Variants in P3H2 observed in about 807,000 individuals in gnomAD.
The protein encoded by P3H2 is leprecan-like 1.
Under a neutral mutation model 87.0 loss-of-function variants are expected in P3H2, and 80 were observed. The ratio of observed to expected loss-of-function variants is 0.92; its 90% confidence interval spans 0.77 to 1.11. The LOEUF is 1.11. P3H2 is among the 50% of genes least tolerant of loss of function. P3H2 has a pLI of 0.00. For synonymous variants in P3H2, 367 were observed against 359.3 expected (o/e 1.02, Z -0.24); for missense variants, 1,001 against 923.9 (o/e 1.08, Z -1.08).
intron 1 of P3H2, among the ~76,000 whole-genome samples, chr3:190,109,874 G>A: frequency 7.1e-6 from 1 of 141,698 alleles, no homozygotes; most frequent in African/African-American, 2.7e-5. Context: ...TTTGACACAG[G>A]GTCTCGCTCT....
chr3:190,096,228 C>A (rs924105658), intron 1 of P3H2, among the ~76,000 whole-genome samples: 1 of 152,126 alleles, frequency 6.6e-6, no homozygotes, highest in East Asian at 1.9e-4. Context: ...TTCAGTGATA[C>A]GGTTTGGATT....
chr3:189,973,880 C>T, intron 10 of P3H2, 29 bp downstream of exon 10: 1 of 1,563,190 alleles, frequency 6.4e-7, no homozygotes, highest in African/African-American at 1.4e-5. Context: ...CACTAAGGAA[C>T]TCAAACCCAA....
At chr3:190,095,663 T>C (rs1482831812) in intron 1 of P3H2, among the ~76,000 whole-genome samples, 42 of 150,236 alleles carry the variant, frequency 2.8e-4, no homozygotes, top group South Asian at 4.2e-4. Flanking sequence ...TGCAGTGGCG[T>C]GATCTCGGCT....
intron 1 of P3H2, among the ~76,000 whole-genome samples, chr3:190,106,975 A>T (rs1711862468): frequency 6.6e-6 from 1 of 152,212 alleles, no homozygotes; most frequent in African/African-American, 2.4e-5. Flanking sequence ...TAATAACTAT[A>T]GTCATAGAAC....
At position 190,120,710 on chromosome 3, in the gene P3H2, G is replaced by GCGC. The variant is rs1291276522; in HGVS notation, c.19_21dup (p.Ala7dup). On this transcript the variant is annotated inframe_insertion, in exon 1 of 15. Transcript: ENST00000319332. ...AGCGGCAGCAGCAGCAGCAGCGGCG[G>GCGC]CGCCCAGATGCGCTCCCGCATCCTC... 1 of 1,519,766 alleles carries GCGC rather than the reference G, an allele frequency of 6.6e-7. No homozygotes were observed. Among genetic ancestry groups the GCGC allele is most frequent in the Non-Finnish European group, 8.8e-7 (1 of 1,140,980 alleles). The allele number at this position is 1,519,766 out of a possible 1,614,324, so 94.1% of individuals were successfully genotyped here.
intron 1 of P3H2, among the ~76,000 whole-genome samples, chr3:190,033,278 G>A (rs922036736): frequency 1.3e-5 from 2 of 151,072 alleles, no homozygotes; most frequent in Admixed American, 6.6e-5. Context: ...GTACGGGTCC[G>A]TGACCTGGGG....
intron 1 of P3H2, among the ~76,000 whole-genome samples, chr3:190,012,556 A>AAAGG (rs1724628042): frequency 6.6e-6 from 1 of 151,990 alleles, no homozygotes; most frequent in East Asian, 1.9e-4. Context: ...TCTCAGTTCC[A>AAAGG]CTCAGTCTCC....
At chr3:190,018,599 C>T (rs761477892) in intron 1 of P3H2, among the ~76,000 whole-genome samples, 13 of 152,058 alleles carry the variant, frequency 8.5e-5, no homozygotes, top group Non-Finnish European at 1.6e-4. Context: ...ATCTTAGCTA[C>T]TTGGGAGGCT....
At position 190,041,064 on chromosome 3, in the gene P3H2, ACACACACACACACACACT is replaced by A. The variant is rs1471243767; in HGVS notation, c.481-45640_481-45623del. Among the ~76,000 whole-genome samples, 29 of 45,258 alleles carry A rather than the reference ACACACACACACACACACT, an allele frequency of 6.4e-4. 1 individual carries two copies. The highest frequency in any genetic ancestry group is 1.4e-3 in the African/African-American group (10 of 7,096). The allele number at this position is 45,258 out of a possible 152,430, so 29.7% of individuals were successfully genotyped here. On this transcript the variant is annotated intron_variant, in intron 1 of 14. Transcript: ENST00000319332. ...CACACACACACACACACACACACAC[ACACACACACACACACACT>A]CTCTCTCTCTATATATATATATATA... is the stretch of plus-strand genomic sequence containing the variant.
rs1711738654 is a variant in P3H2 at position 190,104,100 on chromosome 3, C to T, written c.480+16152G>A. Among the ~76,000 whole-genome samples the T allele has an allele frequency of 2.0e-5, 3 of 152,100 alleles. No homozygotes were observed. The South Asian group carries it at 6.2e-4, about 32-fold the overall frequency. On this transcript the variant is annotated intron_variant, in intron 1 of 14. Coordinates refer to ENST00000319332, the MANE Select transcript of P3H2 (RefSeq NM_018192.4). The stretch of plus-strand genomic sequence containing the variant: ...AGCCACTGCACCCTGCCTTCAGTAG[C>T]TTTTTGTGGTAAAGTATTGGTAACA...
intron 1 of P3H2, among the ~76,000 whole-genome samples, chr3:190,078,348 A>T (rs2108977573): frequency 6.6e-6 from 1 of 152,356 alleles, no homozygotes; most frequent in South Asian, 2.1e-4. Flanking sequence ...GAAATTGGTC[A>T]TTTTAGCAGT....
At chr3:190,064,505 C>T (rs1441679162) in intron 1 of P3H2, among the ~76,000 whole-genome samples, 5 of 151,994 alleles carry the variant, frequency 3.3e-5, no homozygotes, top group African/African-American at 1.2e-4. Flanking sequence ...TATTTTGTAA[C>T]TTAAAATATA....
chr3:189,984,275 A>G (rs1723622636), intron 7 of P3H2, among the ~76,000 whole-genome samples: 1 of 152,122 alleles, frequency 6.6e-6, no homozygotes, highest in Non-Finnish European at 1.5e-5. Flanking sequence ...TCAGATTCGG[A>G]ATCATGGAAC....
intron 1 of P3H2, among the ~76,000 whole-genome samples, chr3:190,016,286 C>G (rs796912780): frequency 5.3e-5 from 8 of 152,218 alleles, no homozygotes; most frequent in African/African-American, 1.9e-4. Context: ...TCTTGTTGCC[C>G]AGGCTGGAGT....
At chr3:190,067,745 T>TG (rs1462928556) in intron 1 of P3H2, among the ~76,000 whole-genome samples, 3 of 152,218 alleles carry the variant, frequency 2.0e-5, no homozygotes, top group South Asian at 4.1e-4. Context: ...GAAGTATTTC[T>TG]GGGGGGGAAT....
chr3:190,033,233 G>C (rs935663769), intron 1 of P3H2, among the ~76,000 whole-genome samples: 6 of 152,220 alleles, frequency 3.9e-5, no homozygotes, highest in Non-Finnish European at 5.9e-5. Flanking sequence ...CTCACCTCCT[G>C]CTGTGTGGCC....
intron 3 of P3H2, 23 bp downstream of exon 3, chr3:189,994,071 A>G: frequency 1.3e-6 from 2 of 1,564,370 alleles, no homozygotes; most frequent in Non-Finnish European, 8.8e-7. Flanking sequence ...AGAAAGAAAT[A>G]AAATGAAAAA....
chr3:190,011,461 A>C (rs970790586), intron 1 of P3H2, among the ~76,000 whole-genome samples: 4 of 152,194 alleles, frequency 2.6e-5, no homozygotes, highest in African/African-American at 9.6e-5. Flanking sequence ...AGTTTGATCA[A>C]GACCCTCTTC....
At chr3:189,986,460 G>A (rs1014815787) in intron 6 of P3H2, among the ~76,000 whole-genome samples, 1 of 152,068 alleles carries the variant, frequency 6.6e-6, no homozygotes, top group African/African-American at 2.4e-5. Context: ...ATTGTGGCGT[G>A]TGCCTGTAAT....
Sources: allele counts gnomAD v4.1 joint callset (sites outside exome capture counted in the v4.1 genomes callset), GRCh38; gene constraint gnomAD v4.1.1; transcripts MANE v1.5; gene names NCBI Gene and HGNC (gene_info 2026-07-23, HGNC 2026-07-21).